The following ANTXRL variants were observed in gnomAD, a reference collection of about 807,000 sequenced individuals.
ANTXRL encodes anthrax toxin receptor-like.
ANTXRL carries 63 observed loss-of-function variants against 75.4 expected under a neutral mutation model. The observed-to-expected ratio is 0.84, with a 90% confidence interval of 0.68 to 1.03. ANTXRL has a LOEUF of 1.03. Ranked by LOEUF, ANTXRL falls within the 50% of genes least tolerant of loss-of-function variation. The pLI is 0.00. For missense variants in ANTXRL, 797 were observed against 789.4 expected, an observed-to-expected ratio of 1.01 and a Z score of -0.12; for synonymous variants, 335 against 291.3, an observed-to-expected ratio of 1.15 and a Z score of -1.53.
At chr10:46,315,081 CT>C (rs2132850460) in intron 16 of ANTXRL, among the ~76,000 whole-genome samples, 1 of 152,206 alleles carries the variant, frequency 6.6e-6, no homozygotes, top group East Asian at 1.9e-4. Flanking sequence ...CTTCGGTGTG[CT>C]GGCCCTAGGG....
intron 2 of ANTXRL, among the ~76,000 whole-genome samples, chr10:46,293,402 G>C (rs1837147363): frequency 7.2e-6 from 1 of 138,838 alleles, no homozygotes. Context: ...GTGTGTGTGA[G>C]TGTGTGCCTG....
Position 46,306,844 on chromosome 10 carries a change from C to T in ANTXRL, c.937C>T (p.Pro313Ser). The T allele has an allele frequency of 1.3e-6, 2 of 1,530,292 alleles. No homozygotes were observed. Among genetic ancestry groups the T allele is most frequent in the East Asian group, 2.5e-5 (1 of 40,628 alleles). The allele number at this position is 1,530,292 out of a possible 1,614,324, so 94.8% of individuals were successfully genotyped here. ...TSIDNNSMNC[P>S]GPKLEKPGEE... ...TATCGACAATAATTCCATGAATTGC[C>T]CTGGGCCAAAACTAGAAAAACCTGG... Residue 313 changes from proline to serine, a missense_variant, in exon 11 of 17, where the codon CCT becomes TCT. Coordinates refer to ENST00000620264, the MANE Select transcript of ANTXRL (RefSeq NM_001278688.3).
chr10:46,299,032 G>A lies in ANTXRL; in HGVS notation c.796+970G>A, dbSNP rs573490323. Among the ~76,000 whole-genome samples, 8 of 152,150 alleles carry A rather than the reference G, an allele frequency of 5.3e-5. No homozygotes were observed. The South Asian group carries it at 1.7e-3, about 32-fold the overall frequency. On this transcript the variant is annotated intron_variant, in intron 9 of 16. Coordinates refer to ENST00000620264, the MANE Select transcript of ANTXRL (RefSeq NM_001278688.3). ...CTCTAAAGCAAGAAAAGACATGTGT[G>A]AGAAGCTCTCAGGGAAACACCAGCA...
Position 46,293,808 on chromosome 10 carries a change from C to T in ANTXRL, c.321-21C>T, listed in dbSNP as rs147109332. The T allele has an allele frequency of 5.5e-4, 841 of 1,533,930 alleles. 4 individuals carry two copies. In the African/African-American group the frequency reaches 0.01, roughly 19 times the overall value. On this transcript the variant is annotated intron_variant, in intron 2 of 16. Coordinates refer to ENST00000620264, the MANE Select transcript of ANTXRL (RefSeq NM_001278688.3). ...TGAGCCTGTGCCACTGGCTTCTCAC[C>T]AGCACATGATTCCTTCACAGCCCAA...
intron 16 of ANTXRL, among the ~76,000 whole-genome samples, chr10:46,322,933 C>T (rs1554965862): frequency 1.3e-5 from 2 of 152,154 alleles, no homozygotes; most frequent in African/African-American, 4.8e-5. Context: ...TTCAGTTTTA[C>T]AGGTATGAGC....
chr10:46,289,340 T>C (rs550808595), intron 1 of ANTXRL, among the ~76,000 whole-genome samples: 2 of 152,322 alleles, frequency 1.3e-5, no homozygotes, highest in African/African-American at 2.4e-5. Flanking sequence ...AAATTTACCA[T>C]TTTTAAGTGT....
At chr10:46,297,134 G>A (rs7894472) in intron 5 of ANTXRL, 118 bp from the exon 6 acceptor site, 37 of 806,056 alleles carry the variant, frequency 4.6e-5, no homozygotes, top group South Asian at 3.4e-5. Context: ...GTGGGGGCAC[G>A]TGGCCATGCC....
At chr10:46,291,844 G>A (rs181388303) in intron 1 of ANTXRL, among the ~76,000 whole-genome samples, 150 of 152,270 alleles carry the variant, frequency 9.9e-4, no homozygotes, top group African/African-American at 3.5e-3. Context: ...GTCCCAGGCA[G>A]ATGGGGCTGG....
At chr10:46,327,258 G>A (rs569722040) in intron 16 of ANTXRL, among the ~76,000 whole-genome samples, 42 of 152,182 alleles carry the variant, frequency 2.8e-4, no homozygotes, top group African/African-American at 7.2e-4. Context: ...ACGGTCTGGC[G>A]TGCAGGCTGG....
chr10:46,320,095 A>G (rs1245914411), intron 16 of ANTXRL, among the ~76,000 whole-genome samples: 8 of 152,152 alleles, frequency 5.3e-5, no homozygotes, highest in African/African-American at 1.7e-4. Flanking sequence ...CCTTTCAAAT[A>G]CCTTCCCATG....
chr10:46,303,790 G>A (rs1368185582), intron 10 of ANTXRL, among the ~76,000 whole-genome samples: 1 of 152,140 alleles, frequency 6.6e-6, no homozygotes, highest in Non-Finnish European at 1.5e-5. Flanking sequence ...GGCAGACACT[G>A]TGCCCTGGGT....
chr10:46,297,576 A>G (rs4542338), intron 7 of ANTXRL, 102 bp downstream of exon 7: 541,193 of 1,235,406 alleles, frequency 0.44, 112,328 homozygotes, highest in Non-Finnish European at 0.47. Context: ...AGCTGCCCCA[A>G]GTGAGTTGGG....
At chr10:46,288,399 G>A (rs868913556) in intron 1 of ANTXRL, among the ~76,000 whole-genome samples, 2 of 152,110 alleles carry the variant, frequency 1.3e-5, no homozygotes, top group Non-Finnish European at 2.9e-5. Context: ...GACAGCTAGT[G>A]TGACAAGACT....
At position 46,329,740 on chromosome 10, in the gene ANTXRL, C is replaced by A. The variant is rs73292942; in HGVS notation, c.1552C>A (p.Arg518=). 2.6e-6 allele frequency: 4 copies of A among 1,535,344 alleles called. No individual in the cohort carries two copies. The highest frequency in any genetic ancestry group is 2.4e-5 in the East Asian group (1 of 40,898). Residue 518 remains arginine, a synonymous_variant, in exon 17 of 17, where the codon CGG becomes AGG. Coordinates refer to ENST00000620264, the MANE Select transcript of ANTXRL (RefSeq NM_001278688.3). Reference sequence around the variant, plus strand: ...CCCAAGGATGTGCCTGAGACACAGCCGGGAGTGCCTCGCCCTCAAACAGGC... The same window carrying A: ...CCCAAGGATGTGCCTGAGACACAGCAGGGAGTGCCTCGCCCTCAAACAGGC... ...CSPRMCLRHS[R]ECLALKQARC...
chr10:46,330,044 A>G lies in ANTXRL; in HGVS notation c.1856A>G (p.Glu619Gly), dbSNP rs2132958767. 1 of 1,453,592 alleles carries G rather than the reference A, an allele frequency of 6.9e-7. No homozygotes were observed. The highest frequency in any genetic ancestry group is 1.2e-5 in the South Asian group (1 of 81,596). 90.0% of individuals were successfully genotyped at this position (1,453,592 alleles called of 1,614,324 possible). A position where few individuals can be genotyped will look rare whatever the true frequency, so the allele number is the denominator to read the frequency against. Residue 619 changes from glutamate to glycine, a missense_variant, in exon 17 of 17, where the codon GAA becomes GGA. By Grantham distance (98) the Glu-to-Gly change is moderately conservative (BLOSUM62 -2). Coordinates refer to ENST00000620264, the MANE Select transcript of ANTXRL (RefSeq NM_001278688.3). The part of the protein sequence containing the change: ...LLSPLLRHTA[E>G]PPLSLPPSEP... ...TCCCCACTGCTCAGGCACACGGCAG[A>G]ACCCCCTTTGTCACTCCCCCCCTCA...
chr10:46,304,178 C>T (rs1447866520), intron 10 of ANTXRL, among the ~76,000 whole-genome samples: 1 of 152,152 alleles, frequency 6.6e-6, no homozygotes, highest in Non-Finnish European at 1.5e-5. Context: ...GCACTTATAT[C>T]AGATATCGTG....
chr10:46,320,818 A>G (rs1408551560), intron 16 of ANTXRL, among the ~76,000 whole-genome samples: 1 of 152,138 alleles, frequency 6.6e-6, no homozygotes, highest in Non-Finnish European at 1.5e-5. Context: ...AAGGTATATA[A>G]CCACATTTAG....
At chr10:46,293,329 AGTGTGTGC>A (rs370837597) in intron 2 of ANTXRL, among the ~76,000 whole-genome samples, 96 of 70,522 alleles carry the variant, frequency 1.4e-3, no homozygotes, top group African/African-American at 4.1e-3. Context: ...CCTGTGTGTG[AGTGTGTGC>A]GTGTGTGCGT....
chr10:46,316,955 A>G (rs115659739), intron 16 of ANTXRL, among the ~76,000 whole-genome samples: 6,938 of 152,144 alleles, frequency 0.046, 543 homozygotes, highest in African/African-American at 0.16. Flanking sequence ...GTGTGTGGGC[A>G]TGTGAGTGCA....
Sources: gnomAD v4.1 joint callset for allele counts (sites outside exome capture counted in the v4.1 genomes callset) on GRCh38, gnomAD v4.1.1 for gene constraint, MANE v1.5 for transcripts, NCBI Gene and HGNC (gene_info 2026-07-23, HGNC 2026-07-21) for gene names.